Variants in MAST4 observed in about 807,000 individuals in gnomAD.
MAST4 encodes microtubule-associated serine/threonine-protein kinase 4.
A neutral mutation model predicts 162.7 loss-of-function variants in MAST4; 89 were observed. The ratio of observed to expected loss-of-function variants is 0.55; its 90% CI spans 0.46 to 0.65. MAST4 has a LOEUF of 0.65. Among genes scored for constraint, MAST4 ranks in the 30% least tolerant of loss-of-function variants. The pLI is 0.00. For missense variants in MAST4, 3,153 were observed against 3,374.0 expected, an observed-to-expected ratio of 0.93 and a Z score of 1.62; for synonymous variants, 1,479 against 1,361.1, an observed-to-expected ratio of 1.09 and a Z score of -1.91.
intron 6 of MAST4, chr5:67,093,716 A>G (rs1350288065): frequency 4.6e-6 from 2 of 431,416 alleles, no homozygotes; most frequent in Non-Finnish European, 9.6e-6. Context: ...ATGTTCATTG[A>G]TAACTGAGGG....
chr5:66,837,024 A>G (rs258080), intron 3 of MAST4, among the ~76,000 whole-genome samples: 147,726 of 150,296 alleles, frequency 0.98, 72,590 homozygotes, highest in East Asian at 1. Flanking sequence ...ATGCAGGATC[A>G]TGTGTGTGTG....
At position 66,694,779 on chromosome 5, in the gene MAST4, G is replaced by T. The variant is rs13186376; in HGVS notation, c.364-64930G>T. On this transcript the variant is annotated intron_variant, in intron 1 of 28. Transcript: ENST00000403625. ...TGGTATTACAGGTGTGAGCCACCAC[G>T]CCCAGCCAATCTTGAGCTTTTTCTC... Among the ~76,000 whole-genome samples the T allele has an allele frequency of 1.3e-3, 192 of 152,152 alleles. 1 individual carries two copies. The highest frequency in any genetic ancestry group is 4.5e-3 in the African/African-American group (188 of 41,526).
intron 1 of MAST4, among the ~76,000 whole-genome samples, chr5:66,714,672 C>G (rs1289059661): frequency 6.6e-6 from 1 of 152,228 alleles, no homozygotes; most frequent in African/African-American, 2.4e-5. Context: ...CTACAACTTT[C>G]TTCCATAGCT....
chr5:66,696,746 CA>C (rs201904527), intron 1 of MAST4, among the ~76,000 whole-genome samples: 200 of 102,138 alleles, frequency 2.0e-3, no homozygotes, highest in African/African-American at 9.2e-3. Context: ...ATATCATCTG[CA>C]TTTTTTTTTT....
chr5:66,954,171 A>G (rs909682931), intron 4 of MAST4, among the ~76,000 whole-genome samples: 5 of 152,162 alleles, frequency 3.3e-5, no homozygotes, highest in African/African-American at 4.8e-5. Flanking sequence ...TGATAAAAAT[A>G]TATCACACTA....
At chr5:66,993,308 C>T (rs1750252644) in intron 4 of MAST4, among the ~76,000 whole-genome samples, 1 of 152,152 alleles carries the variant, frequency 6.6e-6, no homozygotes, top group South Asian at 2.1e-4. Context: ...TTTTAGTTAA[C>T]CTTAGAAAAA....
intron 4 of MAST4, among the ~76,000 whole-genome samples, chr5:67,023,210 A>T (rs1172885544): frequency 6.6e-6 from 1 of 152,180 alleles, no homozygotes; most frequent in Non-Finnish European, 1.5e-5. Flanking sequence ...TATATATGTT[A>T]TTGTCCAGCT....
At chr5:66,872,042 A>G (rs1760966789) in intron 3 of MAST4, among the ~76,000 whole-genome samples, 1 of 152,228 alleles carries the variant, frequency 6.6e-6, no homozygotes, top group Non-Finnish European at 1.5e-5. Context: ...CCAATTAGCA[A>G]AATCTCTGGT....
chr5:67,060,192 A>G (rs1480422748), intron 5 of MAST4, among the ~76,000 whole-genome samples: 1 of 152,144 alleles, frequency 6.6e-6, no homozygotes, highest in African/African-American at 2.4e-5. Flanking sequence ...ATACATGAGA[A>G]TTGTTTGCAA....
At chr5:66,909,844 A>G (rs918473190) in intron 4 of MAST4, among the ~76,000 whole-genome samples, 1 of 152,214 alleles carries the variant, frequency 6.6e-6, no homozygotes, top group African/African-American at 2.4e-5. Context: ...ATGGTGGTGA[A>G]TAAGTCTCAC....
intron 3 of MAST4, among the ~76,000 whole-genome samples, chr5:66,850,439 A>G (rs761828441): frequency 1.3e-5 from 2 of 152,212 alleles, no homozygotes; most frequent in Non-Finnish European, 2.9e-5. Context: ...GTGTGGCCAC[A>G]TTGAACTACA....
At chr5:66,758,515 C>G (rs1292934749) in intron 1 of MAST4, among the ~76,000 whole-genome samples, 1 of 152,064 alleles carries the variant, frequency 6.6e-6, no homozygotes, top group Non-Finnish European at 1.5e-5. Flanking sequence ...CTCCTGGACT[C>G]AAGAGAGTCT....
chr5:66,881,903 A>G (rs910402415), intron 3 of MAST4, among the ~76,000 whole-genome samples: 1 of 152,228 alleles, frequency 6.6e-6, no homozygotes, highest in African/African-American at 2.4e-5. Context: ...AAAATTAAGC[A>G]TTTAACCAGG....
At chr5:67,143,410 G>GT (rs1770661785) in intron 21 of MAST4, among the ~76,000 whole-genome samples, 1 of 151,646 alleles carries the variant, frequency 6.6e-6, no homozygotes, top group Non-Finnish European at 1.5e-5. Context: ...TACAGTAAAA[G>GT]TTAAAAAAAA....
chr5:66,952,619 C>G (rs1744840144), intron 4 of MAST4, among the ~76,000 whole-genome samples: 1 of 152,166 alleles, frequency 6.6e-6, no homozygotes, highest in African/African-American at 2.4e-5. Flanking sequence ...CTTTGCATCC[C>G]TGATAATGCC....
At position 67,165,608 on chromosome 5, in the gene MAST4, G is replaced by A; in HGVS notation, c.6429G>A (p.Leu2143=). 6.2e-7 allele frequency: 1 copy of A among 1,613,570 alleles called. No individual in the cohort carries two copies. Among genetic ancestry groups the A allele is most frequent in the African/African-American group, 1.3e-5 (1 of 75,034 alleles). Residue 2143 remains leucine (L), a synonymous_variant, in exon 29 of 29, where the codon CTG becomes CTA. Transcript: ENST00000403625. ...IPPPPLTAKD[L]SSPAARQHCS... is the part of the protein sequence containing the mutation. ...CGCCCCCTCTGACGGCCAAAGACCT[G>A]TCCAGCCCGGCTGCCAGGCAGCATT...
chr5:66,758,599 T>C (rs1753686961), intron 1 of MAST4, among the ~76,000 whole-genome samples: 1 of 152,042 alleles, frequency 6.6e-6, no homozygotes, highest in African/African-American at 2.4e-5. Flanking sequence ...TGACTTTGAA[T>C]ATGATGCAGT....
intron 19 of MAST4, 116 bp downstream of exon 19, chr5:67,136,780 G>A (rs773349962): frequency 1.4e-6 from 1 of 735,704 alleles, no homozygotes; most frequent in Non-Finnish European, 2.3e-6. Context: ...GTTAGTTGAT[G>A]TAGAACATGA....
At chr5:66,675,760 C>A (rs1392970707) in intron 1 of MAST4, among the ~76,000 whole-genome samples, 1 of 152,112 alleles carries the variant, frequency 6.6e-6, no homozygotes, top group Admixed American at 6.6e-5. Context: ...AGACCTGAAT[C>A]TAACAGAATG....
Sources: allele counts gnomAD v4.1 joint callset (sites outside exome capture counted in the v4.1 genomes callset), GRCh38; gene constraint gnomAD v4.1.1; transcripts MANE v1.5; gene names NCBI Gene and HGNC (gene_info 2026-07-23, HGNC 2026-07-21).